Variants in CTIF observed in about 807,000 individuals in gnomAD.
The protein encoded by CTIF is CBP80/20-dependent translation initiation factor.
Under a neutral mutation model 66.0 loss-of-function variants are expected in CTIF, and 21 were observed. The observed-to-expected ratio is 0.32, with a 90% CI of 0.23 to 0.46. CTIF has a LOEUF of 0.46. CTIF is among the 20% of genes least tolerant of loss of function. The pLI, the probability that CTIF is intolerant of heterozygous loss-of-function variation, is 1.00. For missense variants in CTIF, 739 were observed against 812.7 expected, an observed-to-expected ratio of 0.91 and a Z score of 1.10; for synonymous variants, 345 against 326.4, an observed-to-expected ratio of 1.06 and a Z score of -0.62.
intron 3 of CTIF, among the ~76,000 whole-genome samples, chr18:48,646,592 C>G (rs867178560): frequency 1.8e-4 from 28 of 151,840 alleles, no homozygotes; most frequent in Middle Eastern, 6.8e-3. Flanking sequence ...ACAAAAAATA[C>G]AAGCATTAGC....
intron 5 of CTIF, among the ~76,000 whole-genome samples, chr18:48,664,818 G>A (rs1239722420): frequency 2.6e-5 from 4 of 152,100 alleles, no homozygotes; most frequent in African/African-American, 4.8e-5. Context: ...CCACGCCAGC[G>A]CAGCAGAATC....
intron 7 of CTIF, chr18:48,755,643 A>C (rs1340238537): frequency 6.6e-6 from 1 of 152,236 alleles, no homozygotes; most frequent in Admixed American, 6.5e-5. Flanking sequence ...TCTCCCACCC[A>C]AGTGTCAAGG....
intron 10 of CTIF, among the ~76,000 whole-genome samples, chr18:48,827,504 T>C (rs762077687): frequency 6.6e-6 from 1 of 152,194 alleles, no homozygotes; most frequent in African/African-American, 2.4e-5. Flanking sequence ...CAGCTCCTGA[T>C]TGCCTTTAAA....
At chr18:48,592,841 T>C (rs941148974) in intron 1 of CTIF, among the ~76,000 whole-genome samples, 17 of 152,332 alleles carry the variant, frequency 1.1e-4, no homozygotes, top group Non-Finnish European at 1.8e-4. Flanking sequence ...CTTTAGCTCC[T>C]TGGGCCCCAG....
rs1437391136 is a variant in CTIF, at chr18:48,817,355, C to T, written c.1506C>T (p.Pro502=). Residue 502 remains proline (P), a synonymous_variant, in exon 10 of 12, where the codon CCC becomes CCT. Coordinates refer to ENST00000256413, the MANE Select transcript of CTIF (RefSeq NM_014772.3). Reference sequence around the variant, plus strand: ...AGCCCTTCCGTGTGCTCGTGTGCCCCATCTACACCTGCCTCAGGGAGGTAA... The same window carrying T: ...AGCCCTTCCGTGTGCTCGTGTGCCCTATCTACACCTGCCTCAGGGAGGTAA... ...TGEPFRVLVC[P]IYTCLRELLQ... 1 of 1,611,824 alleles carries T rather than the reference C, an allele frequency of 6.2e-7. No individual in the cohort carries two copies.
chr18:48,807,659 C>T (rs139836021), intron 9 of CTIF, among the ~76,000 whole-genome samples: 158 of 150,354 alleles, frequency 1.1e-3, no homozygotes, highest in Non-Finnish European at 1.7e-3. Flanking sequence ...CGGCTCACTG[C>T]AACTTCCACC....
chr18:48,720,469 C>T (rs565354080), intron 7 of CTIF, among the ~76,000 whole-genome samples: 47 of 152,244 alleles, frequency 3.1e-4, no homozygotes, highest in Non-Finnish European at 6.0e-4. Flanking sequence ...ACTTTGCCCA[C>T]GGTTTGTCTT....
Position 48,733,589 on chromosome 18 carries a change from C to T in CTIF, c.584+21894C>T, listed in dbSNP as rs963531145. Reference sequence around the variant, plus strand: ...GTCTCTGGCCCCCCTCCCTGGCAGTCGAGGGCACACCAGTGTCTGGAGACA... The same window carrying T: ...GTCTCTGGCCCCCCTCCCTGGCAGTTGAGGGCACACCAGTGTCTGGAGACA... On this transcript the variant is annotated intron_variant, in intron 7 of 11. Coordinates refer to ENST00000256413, the MANE Select transcript of CTIF (RefSeq NM_014772.3). Among the ~76,000 whole-genome samples, 7 of 152,140 alleles carry T rather than the reference C, an allele frequency of 4.6e-5. No homozygotes were observed. In the East Asian group the frequency reaches 7.7e-4, roughly 17 times the overall value.
intron 6 of CTIF, among the ~76,000 whole-genome samples, chr18:48,703,045 T>C (rs750618728): frequency 2.0e-5 from 3 of 152,216 alleles, no homozygotes; most frequent in Non-Finnish European, 4.4e-5. Context: ...CTTTGTATTG[T>C]TCACCCCTTG....
chr18:48,670,451 C>A (rs1478375561), intron 5 of CTIF: 1 of 526,610 alleles, frequency 1.9e-6, no homozygotes, highest in Admixed American at 3.2e-5. Context: ...TCCTCTCCCA[C>A]CTCCCTCCAG....
At chr18:48,569,267 T>C (rs2089355478) in intron 1 of CTIF, among the ~76,000 whole-genome samples, 1 of 152,044 alleles carries the variant, frequency 6.6e-6, no homozygotes, top group Non-Finnish European at 1.5e-5. Flanking sequence ...TTCCAGAGCG[T>C]GCACAGTTTT....
intron 10 of CTIF, among the ~76,000 whole-genome samples, chr18:48,820,724 G>A (rs559037043): frequency 6.6e-6 from 1 of 152,160 alleles, no homozygotes; most frequent in East Asian, 1.9e-4. Flanking sequence ...CATCCCCTGC[G>A]TCTGTACCCC....
intron 10 of CTIF, among the ~76,000 whole-genome samples, chr18:48,832,413 C>T (rs1599128202): frequency 6.6e-6 from 1 of 152,208 alleles, no homozygotes; most frequent in East Asian, 1.9e-4. Context: ...CTCAAGCAAT[C>T]CCGCCTCAGC....
At chr18:48,600,376 C>A (rs1467616148) in intron 1 of CTIF, among the ~76,000 whole-genome samples, 1 of 152,074 alleles carries the variant, frequency 6.6e-6, no homozygotes, top group Non-Finnish European at 1.5e-5. Flanking sequence ...CCCATGGGCA[C>A]CTTTGTAACT....
intron 6 of CTIF, among the ~76,000 whole-genome samples, chr18:48,678,544 C>T (rs897275489): frequency 3.3e-5 from 5 of 151,370 alleles, no homozygotes; most frequent in Non-Finnish European, 5.9e-5. Context: ...GAAGGGGCAG[C>T]GTGCTCTGTG....
In CTIF at chr18:48,773,186, A is replaced by G. The variant is rs112921676; in HGVS notation, c.1371+11497A>G. 7.3e-3 allele frequency among the ~76,000 whole-genome samples: 1,110 copies of G among 152,368 alleles called. 15 individuals carry two copies. The highest frequency in any genetic ancestry group is 0.024 in the African/African-American group (1,012 of 41,586). ...TGCAGGAAGGATCTATAGATCATCC[A>G]GTCCAACCCCCTCGTATTACAGTTG... On this transcript the variant is annotated intron_variant, in intron 9 of 11. Coordinates refer to ENST00000256413, the MANE Select transcript of CTIF (RefSeq NM_014772.3).
intron 1 of CTIF, among the ~76,000 whole-genome samples, chr18:48,593,800 T>C (rs138578425): frequency 1.2e-4 from 18 of 152,074 alleles, no homozygotes; most frequent in Non-Finnish European, 2.2e-4. Flanking sequence ...ATGAGGCCTA[T>C]AGATGAAGGT....
chr18:48,595,734 T>C (rs953463498), intron 1 of CTIF, among the ~76,000 whole-genome samples: 1 of 152,190 alleles, frequency 6.6e-6, no homozygotes, highest in African/African-American at 2.4e-5. Context: ...TATTTCATGG[T>C]TTATGCTGGT....
At position 48,761,179 on chromosome 18, in the gene CTIF, G is replaced by C. The variant is rs1908947966; in HGVS notation, c.1072-211G>C. ...AGAACCCAAAAACAGTATCAGCCCT[G>C]GATGTCATAGGGGCCAAGAAAAAAG... On this transcript the variant is annotated intron_variant, in intron 8 of 11. Coordinates refer to ENST00000256413, the MANE Select transcript of CTIF (RefSeq NM_014772.3). This position sits in a 1 kb window ranked among gnomAD's most constrained non-coding sequence, Gnocchi z 4.2. 2 of 565,384 alleles carry C rather than the reference G, an allele frequency of 3.5e-6. No individual in the cohort carries two copies. Among genetic ancestry groups the C allele is most frequent in the East Asian group, 2.9e-5 (1 of 35,036 alleles). The allele number at this position is 565,384 out of a possible 1,614,324, so 35.0% of individuals were successfully genotyped here. A position where few individuals can be genotyped will look rare whatever the true frequency, so the allele number is the denominator to read the frequency against.
Sources: allele counts gnomAD v4.1 joint callset (sites outside exome capture counted in the v4.1 genomes callset), GRCh38; gene constraint gnomAD v4.1.1; non-coding constraint Gnocchi (gnomAD v3.1); transcripts MANE v1.5; gene names NCBI Gene and HGNC (gene_info 2026-07-23, HGNC 2026-07-21).